SEM1: variants seen among roughly 807,000 people sequenced by gnomAD.
SEM1 encodes the protein 26S proteasome complex subunit SEM1.
A neutral mutation model predicts 12.7 loss-of-function variants in SEM1; 3 were observed. The ratio of observed to expected loss-of-function variants is 0.24; its 90% CI spans 0.11 to 0.61. The LOEUF is 0.61. Among genes scored for constraint, SEM1 ranks in the 20% least tolerant of loss-of-function variants. The pLI is 0.88. For missense variants in SEM1, 59 were observed against 81.3 expected (o/e 0.73, Z 1.06); for synonymous variants, 30 against 27.8 (o/e 1.08, Z -0.25).
intron 2 of SEM1, among the ~76,000 whole-genome samples, chr7:96,513,480 T>C (rs1009550445): frequency 6.6e-6 from 1 of 152,134 alleles, no homozygotes; most frequent in Non-Finnish European, 1.5e-5. Context: ...CCTTATCTGA[T>C]AGCATTAGGG....
chr7:96,490,659 G>A (rs1228899426), intron 1 of SEM1, among the ~76,000 whole-genome samples: 1 of 152,132 alleles, frequency 6.6e-6, no homozygotes, highest in Non-Finnish European at 1.5e-5. Flanking sequence ...TTATTCATGG[G>A]GTCAGGGTGG....
intron 2 of SEM1, among the ~76,000 whole-genome samples, chr7:96,533,730 A>T (rs142128045): frequency 6.6e-6 from 1 of 152,052 alleles, no homozygotes; most frequent in Non-Finnish European, 1.5e-5. Context: ...CATGGGTTCA[A>T]AAGTATTTTC....
At chr7:96,523,403 T>TA (rs1406197563) in intron 2 of SEM1, among the ~76,000 whole-genome samples, 1 of 151,992 alleles carries the variant, frequency 6.6e-6, no homozygotes, top group Non-Finnish European at 1.5e-5. Flanking sequence ...GATTACTATA[T>TA]AAATAGTCAC....
chr7:96,634,417 A>G (rs1186454254), intron 2 of SEM1, among the ~76,000 whole-genome samples: 15 of 151,864 alleles, frequency 9.9e-5, no homozygotes. Context: ...ATTCTAGCCT[A>G]TGTCACATTC....
At chr7:96,535,174 G>T (rs1357061677) in intron 2 of SEM1, among the ~76,000 whole-genome samples, 1 of 151,908 alleles carries the variant, frequency 6.6e-6, no homozygotes, top group East Asian at 1.9e-4. Flanking sequence ...CTAAAATTTT[G>T]TGTACCTTAA....
chr7:96,551,052 T>C (rs914118858), intron 2 of SEM1, among the ~76,000 whole-genome samples: 4 of 151,994 alleles, frequency 2.6e-5, no homozygotes, highest in African/African-American at 9.7e-5. Flanking sequence ...AAGAGATTTA[T>C]TTGAGGAAAT....
downstream of SEM1, among the ~76,000 whole-genome samples, chr7:96,670,187 C>T (rs1407821260): frequency 6.6e-6 from 1 of 152,048 alleles, no homozygotes; most frequent in Non-Finnish European, 1.5e-5. Context: ...ATAACAAAAT[C>T]TATAATTCAT....
chr7:96,632,047 G>T (rs1808277887), intron 2 of SEM1, among the ~76,000 whole-genome samples: 1 of 152,142 alleles, frequency 6.6e-6, no homozygotes. Flanking sequence ...TAAAAAGTCA[G>T]GAAACAACAG....
chr7:96,485,956 G>T (rs1429044415), intron 2 of SEM1, among the ~76,000 whole-genome samples: 2 of 152,010 alleles, frequency 1.3e-5, no homozygotes, highest in African/African-American at 4.8e-5. Flanking sequence ...GGGGGACATT[G>T]TTTAGCTTAC....
intron 2 of SEM1, among the ~76,000 whole-genome samples, chr7:96,576,957 A>T (rs972506614): frequency 2.0e-5 from 3 of 152,102 alleles, no homozygotes; most frequent in African/African-American, 4.8e-5. Flanking sequence ...GTTTCTACTA[A>T]AAATACAAAA....
chr7:96,512,905 A>C (rs930660724), intron 2 of SEM1, among the ~76,000 whole-genome samples: 2 of 152,146 alleles, frequency 1.3e-5, no homozygotes, highest in African/African-American at 4.8e-5. Flanking sequence ...TTGATGTAGG[A>C]GTGAAGAGCA....
exon 3 of SEM1, chr7:96,673,821 G>C: frequency 1.3e-6 from 1 of 765,152 alleles, no homozygotes; most frequent in Non-Finnish European, 2.4e-6. Flanking sequence ...GCAGCCATAC[G>C]GGGTTTCACA....
chr7:96,510,420 A>G (rs918885765), intron 2 of SEM1, among the ~76,000 whole-genome samples: 1 of 152,176 alleles, frequency 6.6e-6, no homozygotes, highest in Admixed American at 6.6e-5. Context: ...CAAACACTAT[A>G]GGCAATTGTA....
Position 96,677,114 on chromosome 7 carries a change from C to T in SEM1, c.171-3255G>A, listed in dbSNP as rs1388953388. Among the ~76,000 whole-genome samples, 4 of 152,166 alleles carry T rather than the reference C, an allele frequency of 2.6e-5. No homozygotes were observed. The East Asian group carries it at 7.7e-4, about 29-fold the overall frequency. ...ATCAGCGAACAAGGTCAACAGCACTCAGCAGAGGGCCAGCACAATGGTACT... is the reference window on the plus strand; with the variant it reads ...ATCAGCGAACAAGGTCAACAGCACTTAGCAGAGGGCCAGCACAATGGTACT... On this transcript the variant is annotated intron_variant, in intron 2 of 2. Transcript: ENST00000413065.
At chr7:96,649,628 T>G (rs886865784) in intron 2 of SEM1, 1 of 152,164 alleles carries the variant, frequency 6.6e-6, no homozygotes, top group Non-Finnish European at 1.5e-5. Context: ...GGAACACATA[T>G]GTGTATGTAG....
At chr7:96,667,013 A>G (rs1488347092) in intron 2 of SEM1, among the ~76,000 whole-genome samples, 2 of 152,182 alleles carry the variant, frequency 1.3e-5, no homozygotes, top group African/African-American at 4.8e-5. Context: ...TGATTTGTGT[A>G]TCAAAAATTC....
chr7:96,561,294 G>T lies in SEM1; in HGVS notation c.171-54596C>A, dbSNP rs553149372. ...TACTGCAGTTGAAGCAATGGAAAAG[G>T]GGGTGAGGGTTGAAATGCCACCTAC... On this transcript the variant is annotated intron_variant and NMD_transcript_variant, in intron 2 of 3. Coordinates refer to the SEM1 transcript ENST00000466986. Among the ~76,000 whole-genome samples, 4 of 152,240 alleles carry T rather than the reference G, an allele frequency of 2.6e-5. No individual in the cohort carries two copies. The East Asian group carries it at 5.8e-4, about 22-fold the overall frequency.
intron 2 of SEM1, among the ~76,000 whole-genome samples, chr7:96,668,430 A>T (rs1467690358): frequency 6.6e-6 from 1 of 152,220 alleles, no homozygotes; most frequent in Non-Finnish European, 1.5e-5. Flanking sequence ...ATAAATAAAA[A>T]TTATAGTACT....
At position 96,700,918 on chromosome 7, in the gene SEM1, T is replaced by A. The variant is rs536217506; in HGVS notation, c.77-6027A>T. ...ACTATTTTATGTGTCTTTCTATGAA[T>A]AACCACATTATTAAGTACTTGTGGA... On this transcript the variant is annotated intron_variant, in intron 1 of 2. Coordinates refer to ENST00000248566, the MANE Select transcript of SEM1 (RefSeq NM_006304.2). 1.8e-4 allele frequency among the ~76,000 whole-genome samples: 27 copies of A among 152,290 alleles called. No homozygotes were observed. The South Asian group carries it at 1.9e-3, about 11-fold the overall frequency.
Sources: gnomAD v4.1 joint callset for allele counts (sites outside exome capture counted in the v4.1 genomes callset) on GRCh38, gnomAD v4.1.1 for gene constraint, MANE v1.5 for transcripts, NCBI Gene and HGNC (gene_info 2026-07-23, HGNC 2026-07-21) for gene names.